Variants in LAMA2 observed in about 807,000 individuals in gnomAD.
LAMA2 encodes laminin subunit alpha 2.
LAMA2 carries 269 observed loss-of-function variants against 364.8 expected under a neutral mutation model. The ratio of observed to expected loss-of-function variants is 0.74; its 90% CI spans 0.67 to 0.82. The LOEUF (loss-of-function observed/expected upper bound fraction) is 0.82, where lower values mean the gene tolerates loss of function less well. Ranked by LOEUF, LAMA2 falls within the 40% of genes least tolerant of loss-of-function variation. LAMA2 has a pLI of 0.00. For synonymous variants in LAMA2, 1,379 were observed against 1,370.6 expected, an observed-to-expected ratio of 1.01 and a Z score of -0.14; for missense variants, 3,807 against 3,873.2, an observed-to-expected ratio of 0.98 and a Z score of 0.45.
Position 129,393,034 on chromosome 6 carries a change from G to A in LAMA2, c.5235-11G>A, listed in dbSNP as rs1457948425. On this transcript the variant is annotated splice_polypyrimidine_tract_variant and intron_variant, in intron 36 of 64. Transcript: ENST00000421865. ...GCTCATTGTCTATTATTGGGCTGGGGGTGGTTACAGAGCTGCAGAAGCCCT... is the reference window on the plus strand; with the variant it reads ...GCTCATTGTCTATTATTGGGCTGGGAGTGGTTACAGAGCTGCAGAAGCCCT... 3 of 1,610,448 alleles carry A rather than the reference G, an allele frequency of 1.9e-6. No individual in the cohort carries two copies. The highest frequency in any genetic ancestry group is 1.7e-5 in the Admixed American group (1 of 59,952).
Position 129,440,901 on chromosome 6 carries a change from G to T in LAMA2, c.6171G>T (p.Glu2057Asp). Reference sequence around the variant, plus strand: ...AAGATGTACTGGCACAGATTACAGAGCTCCACCAGAACCTCGATGGCCTGA... The same window carrying T: ...AAGATGTACTGGCACAGATTACAGATCTCCACCAGAACCTCGATGGCCTGA... ...TAKDVLAQIT[E>D]LHQNLDGLKK... The change falls in exon 43 of 65, where the codon GAG (glutamate) becomes GAT (aspartate). Residue 2057 changes from glutamate to aspartate, a missense_variant. Transcript: ENST00000421865. 1.2e-6 allele frequency: 2 copies of T among 1,613,926 alleles called. No homozygotes were observed. The highest frequency in any genetic ancestry group is 1.7e-6 in the Non-Finnish European group (2 of 1,179,852).
intron 8 of LAMA2, chr6:129,158,412 A>G: frequency 1.2e-6 from 2 of 1,613,930 alleles, no homozygotes; most frequent in Non-Finnish European, 1.7e-6. Flanking sequence ...AACTTGCCGG[A>G]CCATCTGAAT....
intron 37 of LAMA2, among the ~76,000 whole-genome samples, chr6:129,395,146 T>G (rs1383387792): frequency 6.6e-6 from 1 of 151,734 alleles, no homozygotes; most frequent in East Asian, 1.9e-4. Context: ...TGGCCCCATG[T>G]GTACATTCTA....
chr6:128,972,122 A>G (rs1782222957), intron 1 of LAMA2, among the ~76,000 whole-genome samples: 1 of 152,226 alleles, frequency 6.6e-6, no homozygotes, highest in Non-Finnish European at 1.5e-5. Flanking sequence ...TCATTAATGC[A>G]TATTTGTCAA....
intron 29 of LAMA2, among the ~76,000 whole-genome samples, chr6:129,330,875 CT>C (rs369861285): frequency 3.2e-4 from 46 of 145,900 alleles, no homozygotes; most frequent in Non-Finnish European, 3.5e-4. Context: ...CCTGCACCTT[CT>C]TTTTTTTTTT....
intron 1 of LAMA2, among the ~76,000 whole-genome samples, chr6:128,965,698 C>G (rs1362881087): frequency 6.6e-6 from 1 of 151,978 alleles, no homozygotes; most frequent in Non-Finnish European, 1.5e-5. Flanking sequence ...TTACTTATGT[C>G]ACATAAAAAC....
chr6:129,384,496 G>A (rs542645266), intron 35 of LAMA2, among the ~76,000 whole-genome samples: 2 of 152,266 alleles, frequency 1.3e-5, no homozygotes, highest in African/African-American at 2.4e-5. Flanking sequence ...ATAAATGCTA[G>A]CATATGTTTT....
chr6:129,403,906 G>A lies in LAMA2; in HGVS notation c.5812G>A (p.Ala1938Thr), dbSNP rs1256008319. The A allele has an allele frequency of 3.1e-6, 5 of 1,613,818 alleles. No homozygotes were observed. The African/African-American group carries it at 6.7e-5, about 22-fold the overall frequency. ...CAATATTAAGGACTATATTGATGAA[G>A]CTGAGAAAGTTGCCAAAGAAGCCAA... ...YSNIKDYIDE[A>T]EKVAKEAKDL... The change falls in exon 40 of 65, where the codon GCT becomes ACT. Residue 1938 changes from alanine to threonine, a missense_variant. Physicochemically the swap from Ala to Thr is moderately conservative, Grantham distance 58. This residue lies in a region of LAMA2 where 3,333 missense variants were observed against 3,345.7 expected (regional missense o/e 1.00). Transcript: ENST00000421865.
intron 1 of LAMA2, 65 bp downstream of exon 1, chr6:128,883,422 CT>C (rs1775930940): frequency 3.2e-6 from 5 of 1,544,214 alleles, no homozygotes; most frequent in Non-Finnish European, 4.4e-6. Context: ...ACTTCTTCCA[CT>C]CTTCCGAGAG....
Position 129,342,377 on chromosome 6 carries a change from A to T in LAMA2, c.4346A>T (p.Glu1449Val). ...CATCACACTGCTGGTGACTTCTGTG[A>T]ACGATGTGCTCTTGGATACTATGGA... is the stretch of plus-strand genomic sequence containing the variant. ...CQHHTAGDFC[E>V]RCALGYYGIV... Residue 1449 changes from glutamate to valine, a missense_variant, in exon 30 of 65, where the codon GAA becomes GTA. Transcript: ENST00000421865. The T allele has an allele frequency of 6.2e-7, 1 of 1,613,488 alleles. No homozygotes were observed. Among genetic ancestry groups the T allele is most frequent in the Non-Finnish European group, 8.5e-7 (1 of 1,179,494 alleles).
At chr6:129,287,046 G>GA (rs1789302356) in intron 18 of LAMA2, among the ~76,000 whole-genome samples, 5 of 17,024 alleles carry the variant, frequency 2.9e-4, no homozygotes, top group East Asian at 5.3e-4. Context: ...GAGGAAGGAA[G>GA]GAAGCAAGGA....
chr6:129,200,833 C>T (rs912425644), intron 12 of LAMA2, among the ~76,000 whole-genome samples: 1 of 151,138 alleles, frequency 6.6e-6, no homozygotes, highest in African/African-American at 2.4e-5. Context: ...TGGGATAGAC[C>T]CTATACAGTA....
intron 41 of LAMA2, among the ~76,000 whole-genome samples, chr6:129,430,055 C>A (rs1781512951): frequency 6.6e-6 from 1 of 152,082 alleles, no homozygotes; most frequent in Non-Finnish European, 1.5e-5. Flanking sequence ...TCTAGAAAAC[C>A]AAGCCAAGGC....
rs147857398 is a variant in LAMA2, at chr6:129,454,230, G to A, written c.6649G>A (p.Val2217Ile). ...GGATGTTGGATCTGGAGTTGGACGT[G>A]TAGAGTACCCAGATTTGACTATTGA... ...LWDVGSGVGR[V>I]EYPDLTIDDS... Residue 2217 changes from valine to isoleucine, a missense_variant, in exon 47 of 65, where the codon GTA (valine) becomes ATA (isoleucine). By Grantham distance (29) the Val-to-Ile change is conservative. This residue lies in a region of LAMA2 where 3,333 missense variants were observed against 3,345.7 expected (regional missense o/e 1.00). Coordinates refer to ENST00000421865, the MANE Select transcript of LAMA2 (RefSeq NM_000426.4). 300 of 1,612,248 alleles carry A rather than the reference G, an allele frequency of 1.9e-4. 2 individuals carry two copies. The African/African-American group carries it at 3.3e-3, about 18-fold the overall frequency.
chr6:129,507,549 C>T lies in LAMA2; in HGVS notation c.8764C>T (p.Leu2922=), dbSNP rs1786196922. The T allele has an allele frequency of 1.2e-6, 2 of 1,614,150 alleles. No homozygotes were observed. Among genetic ancestry groups the T allele is most frequent in the Admixed American group, 3.3e-5 (2 of 60,030 alleles). Residue 2922 remains leucine, a synonymous_variant, in exon 62 of 65, where the codon CTG becomes TTG. Transcript: ENST00000421865. The part of the protein sequence containing the change: ...NLHMAEAPAD[L]EQPTSSFHVG... ...CCACATGGCAGAGGCCCCTGCCGAT[C>T]TGGAACAACCCACCTCCAGCTTCCA...
chr6:129,062,271 G>T lies in LAMA2; in HGVS notation c.396+2375G>T, dbSNP rs565756845. Among the ~76,000 whole-genome samples, 4 of 152,252 alleles carry T rather than the reference G, an allele frequency of 2.6e-5. No homozygotes were observed. The South Asian group carries it at 8.3e-4, about 32-fold the overall frequency. ...ATATTAATATTCCTATTGCATAGTTGAAGAACACTGTGCTTTAGAAAAGTT... is the reference window on the plus strand; with the variant it reads ...ATATTAATATTCCTATTGCATAGTTTAAGAACACTGTGCTTTAGAAAAGTT... On this transcript the variant is annotated intron_variant, in intron 3 of 64. Transcript: ENST00000421865.
At chr6:129,181,812 T>G (rs1050843380) in intron 10 of LAMA2, among the ~76,000 whole-genome samples, 1 of 151,868 alleles carries the variant, frequency 6.6e-6, no homozygotes, top group African/African-American at 2.4e-5. Context: ...AGAATGATCA[T>G]GAGTTAAAAA....
At chr6:128,955,654 A>G (rs1039762964) in intron 1 of LAMA2, among the ~76,000 whole-genome samples, 2 of 151,956 alleles carry the variant, frequency 1.3e-5, no homozygotes, top group Admixed American at 1.3e-4. Context: ...TGGGTTTAAT[A>G]AAACCCCCAA....
At chr6:128,957,954 T>C (rs1781257520) in intron 1 of LAMA2, among the ~76,000 whole-genome samples, 1 of 150,486 alleles carries the variant, frequency 6.6e-6, no homozygotes, top group Admixed American at 6.7e-5. Context: ...GAGGTTTCAC[T>C]TGAAAATCCT....
Sources: allele counts gnomAD v4.1 joint callset (sites outside exome capture counted in the v4.1 genomes callset), GRCh38; gene constraint gnomAD v4.1.1; regional missense constraint gnomAD v4.1.1; transcripts MANE v1.5; gene names NCBI Gene and HGNC (gene_info 2026-07-23, HGNC 2026-07-21).